Variants in RPH3A observed in about 807,000 individuals in gnomAD.
RPH3A encodes the protein rabphilin-3A.
A neutral mutation model predicts 102.2 loss-of-function variants in RPH3A; 48 were observed. The observed-to-expected ratio is 0.47, with a 90% CI of 0.37 to 0.60. RPH3A has a LOEUF of 0.60. RPH3A is among the 20% of genes least tolerant of loss of function. RPH3A has a pLI of 0.00. For missense variants in RPH3A, 781 were observed against 910.1 expected (o/e 0.86, Z 1.83); for synonymous variants, 310 against 324.3 (o/e 0.96, Z 0.47).
intron 7 of RPH3A, chr12:112,868,204 A>G (rs1042341232): frequency 1.4e-5 from 7 of 491,870 alleles, no homozygotes; most frequent in African/African-American, 1.9e-5. Context: ...CTCCATCCAA[A>G]CTCCACTTTC....
intron 1 of RPH3A, among the ~76,000 whole-genome samples, chr12:112,639,890 C>T (rs1302130902): frequency 6.6e-6 from 1 of 152,118 alleles, no homozygotes; most frequent in Non-Finnish European, 1.5e-5. Context: ...GCCAGGCACA[C>T]AGTTGAATCC....
At chr12:112,581,044 A>G (rs2039397342) in intron 1 of RPH3A, among the ~76,000 whole-genome samples, 1 of 152,222 alleles carries the variant, frequency 6.6e-6, no homozygotes, top group Non-Finnish European at 1.5e-5. Context: ...TTAAATTAGA[A>G]GGCAAAAATT....
intron 16 of RPH3A, among the ~76,000 whole-genome samples, chr12:112,884,176 T>G (rs1334888542): frequency 6.6e-6 from 1 of 152,162 alleles, no homozygotes; most frequent in Non-Finnish European, 1.5e-5. Flanking sequence ...ATATTACAAA[T>G]GAATAGAAAA....
At chr12:112,860,983 A>T (rs1648931900) in intron 5 of RPH3A, among the ~76,000 whole-genome samples, 1 of 152,210 alleles carries the variant, frequency 6.6e-6, no homozygotes, top group South Asian at 2.1e-4. Context: ...GCTCTAGTCA[A>T]CTTCAAACTG....
intron 2 of RPH3A, among the ~76,000 whole-genome samples, chr12:112,805,106 T>A (rs1020675649): frequency 1.7e-4 from 26 of 152,202 alleles, no homozygotes; most frequent in South Asian, 4.1e-4. Context: ...ATATATTTTT[T>A]AAAAATAAAA....
chr12:112,847,631 T>G lies in RPH3A; in HGVS notation c.84-65T>G, dbSNP rs16942276. On this transcript the variant is annotated intron_variant, in intron 4 of 21. Coordinates refer to ENST00000389385, the MANE Select transcript of RPH3A (RefSeq NM_001143854.2). ...GTCCACAGTTTCCCAGACAGTGAGTTTCCCGGCAGGAATTTGAACTACTAT... is the reference window on the plus strand; with the variant it reads ...GTCCACAGTTTCCCAGACAGTGAGTGTCCCGGCAGGAATTTGAACTACTAT... The G allele has an allele frequency of 3.6e-3, 5,570 of 1,550,556 alleles. 167 individuals are homozygous for G. In the African/African-American group the frequency reaches 0.063, roughly 17 times the overall value.
chr12:112,705,933 C>A (rs1313409358), intron 1 of RPH3A, among the ~76,000 whole-genome samples: 1 of 152,168 alleles, frequency 6.6e-6, no homozygotes, highest in Admixed American at 6.5e-5. Flanking sequence ...ATGGCTATGA[C>A]TTGAGACTCT....
intron 1 of RPH3A, among the ~76,000 whole-genome samples, chr12:112,724,131 A>C (rs1014068847): frequency 1.4e-5 from 2 of 145,332 alleles, no homozygotes; most frequent in South Asian, 2.1e-4. Flanking sequence ...ATCGTGGCTC[A>C]CTGAAGCCTC....
At chr12:112,703,507 T>C (rs2040408586) in intron 1 of RPH3A, among the ~76,000 whole-genome samples, 2 of 152,238 alleles carry the variant, frequency 1.3e-5, no homozygotes, top group Non-Finnish European at 2.9e-5. Flanking sequence ...GACAGAAATA[T>C]AGTCATAATT....
Position 112,774,392 on chromosome 12 carries a change from C to T in RPH3A, c.-139-17751C>T, listed in dbSNP as rs1414842669. The stretch of plus-strand genomic sequence containing the variant: ...TATTTATGGAAAGAGAACATTAAAC[C>T]TTATCCAGCTGCCAGTGTCCTGGAT... On this transcript the variant is annotated intron_variant, in intron 1 of 21. Transcript: ENST00000543106. Among the ~76,000 whole-genome samples the T allele has an allele frequency of 2.0e-5, 3 of 152,122 alleles. No homozygotes were observed. In the East Asian group the frequency reaches 5.8e-4, roughly 29 times the overall value.
Position 112,776,873 on chromosome 12 carries a change from C to CAAAAAAAAAAAA in RPH3A, c.-139-15243_-139-15232dup, listed in dbSNP as rs548377186. Among the ~76,000 whole-genome samples, 26 of 73,920 alleles carry CAAAAAAAAAAAA rather than the reference C, an allele frequency of 3.5e-4. 2 individuals are homozygous for CAAAAAAAAAAAA. The highest frequency in any genetic ancestry group is 1.0e-3 in the South Asian group (2 of 1,980). The allele number at this position is 73,920 out of a possible 152,430, so 48.5% of individuals were successfully genotyped here. A position where few individuals can be genotyped will look rare whatever the true frequency, so the allele number is the denominator to read the frequency against. ...TGGGCGACAGAGTGAGACTCCATCT[C>CAAAAAAAAAAAA]AAAAAAAAAAAAAAAAAAAAAAAAA... is the stretch of plus-strand genomic sequence containing the variant. On this transcript the variant is annotated intron_variant, in intron 1 of 21. Coordinates refer to the RPH3A transcript ENST00000543106.
chr12:112,707,545 T>C (rs1342162288), intron 1 of RPH3A, among the ~76,000 whole-genome samples: 1 of 152,134 alleles, frequency 6.6e-6, no homozygotes, highest in Non-Finnish European at 1.5e-5. Flanking sequence ...TAACCACAAA[T>C]AGGGTGATTG....
At chr12:112,729,496 A>ATT (rs371342456) in intron 1 of RPH3A, among the ~76,000 whole-genome samples, 7 of 149,026 alleles carry the variant, frequency 4.7e-5, no homozygotes, top group African/African-American at 1.7e-4. Flanking sequence ...TACAAAGGGA[A>ATT]TTTTTTTTTT....
intron 16 of RPH3A, 110 bp from the exon 17 acceptor site, chr12:112,887,687 T>C: frequency 8.4e-7 from 1 of 1,187,362 alleles, no homozygotes; most frequent in Non-Finnish European, 1.2e-6. Context: ...ATCATATTAT[T>C]TCCACATACA....
chr12:112,822,270 AG>A (rs2041794642), intron 2 of RPH3A, among the ~76,000 whole-genome samples: 1 of 152,242 alleles, frequency 6.6e-6, no homozygotes, highest in African/African-American at 2.4e-5. Context: ...CTGTTGGGAT[AG>A]GGAGGCCAAC....
chr12:112,702,047 C>T (rs2040398280), intron 1 of RPH3A, among the ~76,000 whole-genome samples: 1 of 152,226 alleles, frequency 6.6e-6, no homozygotes, highest in South Asian at 2.1e-4. Context: ...TTAGCAAGCA[C>T]AGCCACCTCC....
intron 1 of RPH3A, among the ~76,000 whole-genome samples, chr12:112,741,847 C>T (rs2040711433): frequency 6.6e-6 from 1 of 152,146 alleles, no homozygotes; most frequent in Non-Finnish European, 1.5e-5. Context: ...TTGCCTTTTC[C>T]TACACATAAG....
intron 1 of RPH3A, among the ~76,000 whole-genome samples, chr12:112,598,769 T>C (rs1052971857): frequency 9.9e-5 from 15 of 152,174 alleles, no homozygotes; most frequent in African/African-American, 3.4e-4. Flanking sequence ...CTACTATTTC[T>C]GGGGACAGCT....
intron 1 of RPH3A, among the ~76,000 whole-genome samples, chr12:112,619,246 CTGTGTGTG>C (rs60894997): frequency 0.051 from 6,421 of 125,370 alleles, 202 homozygotes; most frequent in South Asian, 0.095. Flanking sequence ...TATGGTAATT[CTGTGTGTG>C]TGTGTGTGTG....
Sources: allele counts gnomAD v4.1 joint callset (sites outside exome capture counted in the v4.1 genomes callset), GRCh38; gene constraint gnomAD v4.1.1; transcripts MANE v1.5; gene names NCBI Gene and HGNC (gene_info 2026-07-23, HGNC 2026-07-21).